Variants in MAML2 observed in about 807,000 individuals in gnomAD.
MAML2 encodes the protein mastermind-like protein 2.
In MAML2, 22 loss-of-function variants were observed where a neutral mutation model predicts 96.1. That is an observed-to-expected ratio of 0.23 (90% CI 0.16 to 0.33). The LOEUF (loss-of-function observed/expected upper bound fraction) is 0.33, where lower values mean the gene tolerates loss of function less well. Among genes scored for constraint, MAML2 ranks in the 10% least tolerant of loss-of-function variants. The pLI, the probability that MAML2 is intolerant of heterozygous loss-of-function variation, is 1.00. For missense variants in MAML2, 1,367 were observed against 1,392.4 expected, an observed-to-expected ratio of 0.98 and a Z score of 0.29; for synonymous variants, 561 against 521.3, an observed-to-expected ratio of 1.08 and a Z score of -1.04.
At chr11:96,225,701 C>G (rs111391695) in intron 1 of MAML2, among the ~76,000 whole-genome samples, 1 of 151,902 alleles carries the variant, frequency 6.6e-6, no homozygotes, top group African/African-American at 2.4e-5. Context: ...GGCGTGGTGG[C>G]GGATACCTGT....
intron 1 of MAML2, among the ~76,000 whole-genome samples, chr11:96,334,540 C>T (rs749562695): frequency 1.4e-4 from 22 of 152,154 alleles, no homozygotes; most frequent in African/African-American, 4.1e-4. Context: ...AACTGCTATG[C>T]TTCTTTGCCT....
chr11:96,023,297 T>C (rs1383745013), intron 2 of MAML2, among the ~76,000 whole-genome samples: 3 of 152,216 alleles, frequency 2.0e-5, no homozygotes, highest in Non-Finnish European at 4.4e-5. Flanking sequence ...TGTTGCCATA[T>C]GATGGAGTCA....
At chr11:96,341,146 G>C (rs1176858697) in intron 1 of MAML2, among the ~76,000 whole-genome samples, 1 of 152,160 alleles carries the variant, frequency 6.6e-6, no homozygotes, top group African/African-American at 2.4e-5. Flanking sequence ...GAAAACTCAG[G>C]CTTCTTATCA....
chr11:96,092,854 T>C lies in MAML2; in HGVS notation c.1177A>G (p.Met393Val), dbSNP rs770613902. 1.2e-6 allele frequency: 2 copies of C among 1,607,632 alleles called. No individual in the cohort carries two copies. Among genetic ancestry groups the C allele is most frequent in the Non-Finnish European group, 1.7e-6 (2 of 1,176,390 alleles). Reference protein sequence around the residue: ...RPPSAGPAFSMANSALSTSSP... With the variant: ...RPPSAGPAFSVANSALSTSSP... ...GAAGTGGAGAGGGCAGAGTTGGCCA[T>C]GGAGAATGCGGGGCCAGCTGATGGG... The change falls in exon 2 of 5, where the codon ATG becomes GTG. Residue 393 changes from methionine to valine, a missense_variant. Transcript: ENST00000524717. The surrounding 1 kb of genome is among the most constrained non-coding windows in gnomAD (Gnocchi z 4.1).
chr11:96,330,041 T>C (rs1037713473), intron 1 of MAML2, among the ~76,000 whole-genome samples: 2 of 152,210 alleles, frequency 1.3e-5, no homozygotes, highest in Admixed American at 6.5e-5. Flanking sequence ...AGGTTAACCC[T>C]TTTCTATTTT....
intron 2 of MAML2, among the ~76,000 whole-genome samples, chr11:96,018,428 C>T (rs902638022): frequency 6.6e-6 from 1 of 152,070 alleles, no homozygotes; most frequent in Non-Finnish European, 1.5e-5. Context: ...GATGCTATCA[C>T]CTAGGGAGTG....
At chr11:96,304,161 T>C (rs1208776640) in intron 1 of MAML2, among the ~76,000 whole-genome samples, 1 of 152,196 alleles carries the variant, frequency 6.6e-6, no homozygotes, top group East Asian at 1.9e-4. Flanking sequence ...TTCAAGCCTC[T>C]CTTATCACAG....
At chr11:96,250,392 T>C (rs185299065) in intron 1 of MAML2, among the ~76,000 whole-genome samples, 449 of 152,288 alleles carry the variant, frequency 2.9e-3, no homozygotes, top group Non-Finnish European at 4.4e-3. Context: ...ACATTTATCA[T>C]TTATTTGTGT....
At chr11:96,166,438 C>T (rs1453908552) in intron 1 of MAML2, among the ~76,000 whole-genome samples, 1 of 152,076 alleles carries the variant, frequency 6.6e-6, no homozygotes, top group Non-Finnish European at 1.5e-5. Flanking sequence ...TTCTTGTTTT[C>T]TTATTGTTTC....
chr11:96,124,313 C>A (rs1282109459), intron 1 of MAML2, among the ~76,000 whole-genome samples: 1 of 152,104 alleles, frequency 6.6e-6, no homozygotes, highest in Non-Finnish European at 1.5e-5. Context: ...CTGTCTCTGC[C>A]TTTGAACACT....
chr11:96,001,261 C>A (rs1298441786), intron 2 of MAML2, among the ~76,000 whole-genome samples: 1 of 152,034 alleles, frequency 6.6e-6, no homozygotes, highest in Non-Finnish European at 1.5e-5. Context: ...GAGAAAGCAG[C>A]CTTCAGTGGG....
chr11:96,324,749 C>T (rs767181821), intron 1 of MAML2, among the ~76,000 whole-genome samples: 3 of 152,138 alleles, frequency 2.0e-5, no homozygotes, highest in Non-Finnish European at 2.9e-5. Context: ...TCAGGTCTCT[C>T]CCTAAAGTTC....
At chr11:96,061,447 C>G (rs1307200338) in intron 2 of MAML2, among the ~76,000 whole-genome samples, 1 of 152,104 alleles carries the variant, frequency 6.6e-6, no homozygotes, top group Non-Finnish European at 1.5e-5. Context: ...TGAACAATGT[C>G]TCAGGAGAGG....
At chr11:96,072,920 A>G (rs4753716) in intron 2 of MAML2, among the ~76,000 whole-genome samples, 1 of 152,188 alleles carries the variant, frequency 6.6e-6, no homozygotes, top group African/African-American at 2.4e-5. Flanking sequence ...TGGTGGCTCC[A>G]TTTCAGTTAA....
intron 2 of MAML2, among the ~76,000 whole-genome samples, chr11:96,050,942 T>C (rs565176289): frequency 1.4e-3 from 212 of 152,244 alleles, no homozygotes; most frequent in Non-Finnish European, 2.5e-3. Context: ...GTTCTGATCC[T>C]ATATTCTTCT....
intron 1 of MAML2, among the ~76,000 whole-genome samples, chr11:96,202,177 C>CAAAAAAAAAAAA (rs35124521): frequency 1.6e-4 from 12 of 75,848 alleles, no homozygotes; most frequent in South Asian, 4.8e-4. Flanking sequence ...ACTAAAAATA[C>CAAAAAAAAAAAA]AAAAAAAAAA....
Position 96,250,825 on chromosome 11 carries a change from T to G in MAML2, c.513+90558A>C, listed in dbSNP as rs10831501. Among the ~76,000 whole-genome samples, 4,238 of 152,274 alleles carry G rather than the reference T, an allele frequency of 0.028. 406 individuals carry two copies. The East Asian group carries it at 0.35, about 12-fold the overall frequency. On this transcript the variant is annotated intron_variant, in intron 1 of 4. Coordinates refer to ENST00000524717, the MANE Select transcript of MAML2 (RefSeq NM_032427.4). ...GACTTGATTCAGGATTAATAGTAAC[T>G]TATTTGGTGATAATGACATTACAAA...
intron 1 of MAML2, among the ~76,000 whole-genome samples, chr11:96,256,411 C>T (rs993012845): frequency 6.6e-6 from 1 of 152,154 alleles, no homozygotes; most frequent in South Asian, 2.1e-4. Context: ...GACCACATTT[C>T]TTCCTGCCCC....
Position 96,159,407 on chromosome 11 carries a change from C to CTTTTTTTTTTTTTTTTTTT in MAML2, c.514-65909_514-65891dup, listed in dbSNP as rs760811590. 2.7e-4 allele frequency among the ~76,000 whole-genome samples: 25 copies of CTTTTTTTTTTTTTTTTTTT among 91,148 alleles called. 2 individuals carry two copies. The highest frequency in any genetic ancestry group is 5.7e-4 in the African/African-American group (13 of 22,704). The allele number at this position is 91,148 out of a possible 152,430, so 59.8% of individuals were successfully genotyped here. ...TAACCGTGCCTCTAAACCACTGATT[C>CTTTTTTTTTTTTTTTTTTT]TTTTTTTTTTTTTTTTTTTTTTTGA... On this transcript the variant is annotated intron_variant, in intron 1 of 4. Coordinates refer to ENST00000524717, the MANE Select transcript of MAML2 (RefSeq NM_032427.4).
Sources: gnomAD v4.1 joint callset for allele counts (sites outside exome capture counted in the v4.1 genomes callset) on GRCh38, gnomAD v4.1.1 for gene constraint, Gnocchi (gnomAD v3.1) non-coding constraint, MANE v1.5 for transcripts, NCBI Gene and HGNC (gene_info 2026-07-23, HGNC 2026-07-21) for gene names.